MTA2: variants seen among roughly 807,000 people sequenced by gnomAD.
MTA2 encodes the protein metastasis associated 1 family member 2.
In MTA2, 22 loss-of-function variants were observed where a neutral mutation model predicts 87.1. The ratio of observed to expected loss-of-function variants is 0.25; its 90% CI spans 0.18 to 0.36. MTA2 has a LOEUF of 0.36. Ranked by LOEUF, MTA2 falls within the 10% of genes least tolerant of loss-of-function variation. The pLI is 1.00. For synonymous variants in MTA2, 314 were observed against 310.1 expected, an observed-to-expected ratio of 1.01 and a Z score of -0.13; for missense variants, 542 against 853.2, an observed-to-expected ratio of 0.64 and a Z score of 4.54.
intron 8 of MTA2, 130 bp from the exon 9 acceptor site, chr11:62,596,955 G>A (rs776675958): frequency 2.6e-5 from 22 of 853,166 alleles, no homozygotes; most frequent in Middle Eastern, 3.5e-4. Context: ...TTTGGGAAGC[G>A]GAGGCGGGCA....
intron 15 of MTA2, 71 bp downstream of exon 15, chr11:62,594,910 C>A: frequency 7.3e-7 from 1 of 1,376,374 alleles, no homozygotes; most frequent in South Asian, 1.2e-5. Context: ...AGAAAAAAAG[C>A]AAGGGGAGAG....
intron 11 of MTA2, 55 bp from the exon 12 acceptor site, chr11:62,596,162 A>T: frequency 6.2e-7 from 1 of 1,602,012 alleles, no homozygotes; most frequent in Non-Finnish European, 8.5e-7. Context: ...CAAGGAAAAG[A>T]ATCAATTTCC....
At chr11:62,597,755 G>A (rs1751474946) in intron 6 of MTA2, 43 bp from the exon 7 acceptor site, 2 of 1,521,244 alleles carry the variant, frequency 1.3e-6, no homozygotes, top group Non-Finnish European at 9.1e-7. Flanking sequence ...AGGGCAGGGG[G>A]GAACAGTTGG....
chr11:62,596,253 T>TGGTG (rs757416505), intron 11 of MTA2, 26 bp downstream of exon 11: 13 of 1,612,778 alleles, frequency 8.1e-6, no homozygotes, highest in Non-Finnish European at 1.1e-5. Flanking sequence ...GAAAACACTC[T>TGGTG]GGTCTCCCCT....
At position 62,601,701 on chromosome 11, in the gene MTA2, G is replaced by A. The variant is rs2427644; in HGVS notation, c.-251C>T. 3.7e-3 allele frequency: 1,958 copies of A among 530,638 alleles called. 93 individuals carry two copies. The East Asian group carries it at 0.067, about 18-fold the overall frequency. 32.9% of individuals were successfully genotyped at this position (530,638 alleles called of 1,614,324 possible). A position where few individuals can be genotyped will look rare whatever the true frequency, so the allele number is the denominator to read the frequency against. On this transcript the variant is annotated 5_prime_UTR_variant, in exon 1 of 18. Coordinates refer to ENST00000278823, the MANE Select transcript of MTA2 (RefSeq NM_004739.4). ...CCGTCCGCTCGGCTTCTTCCGGAAC[G>A]AGCTCGGCTCCTGCCAGGCCAGAGC...
rs763473852 is a variant in MTA2, at chr11:62,596,654, C to G, written c.865G>C (p.Asp289His). Residue 289 changes from aspartate to histidine, a missense_variant, in exon 9 of 18, where the codon GAT becomes CAT. Asp to His is a moderately conservative substitution (Grantham distance 81, BLOSUM62 -1). Coordinates refer to ENST00000278823, the MANE Select transcript of MTA2 (RefSeq NM_004739.4). Reference protein sequence around the residue: ...ALEKYGKDFNDIRQDFLPWKS... With the variant: ...ALEKYGKDFNHIRQDFLPWKS... ...CCACTTACAAAATCCTGGCGAATATCATTGAAGTCCTTCCCATACTTCTCT... is the reference window on the plus strand; with the variant it reads ...CCACTTACAAAATCCTGGCGAATATGATTGAAGTCCTTCCCATACTTCTCT... 1 of 1,612,774 alleles carries G rather than the reference C, an allele frequency of 6.2e-7. No homozygotes were observed.
At chr11:62,594,178 G>T in intron 17 of MTA2, 81 bp downstream of exon 17, 5 of 1,579,964 alleles carry the variant, frequency 3.2e-6, no homozygotes, top group Non-Finnish European at 4.3e-6. Context: ...CTTTCCTGGA[G>T]CTCTTGCTCT....
Position 62,601,778 on chromosome 11 carries a change from G to C in MTA2, c.-328C>G, listed in dbSNP as rs878904404. 1.4e-5 allele frequency: 7 copies of C among 506,646 alleles called. No individual in the cohort carries two copies. The South Asian group carries it at 1.5e-4, about 11-fold the overall frequency. The allele number at this position is 506,646 out of a possible 1,614,324, so 31.4% of individuals were successfully genotyped here. On this transcript the variant is annotated 5_prime_UTR_variant, in exon 1 of 18. Transcript: ENST00000278823. ...GGAGTCCCACTAGTCGTTGGGCTCT[G>C]CCGGCCGCAGGGAAGGCTTGCCGGG...
chr11:62,597,460 G>T, intron 7 of MTA2, 45 bp from the exon 8 acceptor site: 1 of 1,570,540 alleles, frequency 6.4e-7, no homozygotes, highest in Non-Finnish European at 8.7e-7. Context: ...AAAGTCAAAA[G>T]CCCAAGTGGG....
intron 5 of MTA2, 85 bp from the exon 6 acceptor site, chr11:62,598,226 G>T: frequency 6.4e-7 from 1 of 1,556,412 alleles, no homozygotes; most frequent in Non-Finnish European, 8.9e-7. Flanking sequence ...TCCATGACCG[G>T]CAGTCTGGCA....
rs375592902 is a variant in MTA2 at position 62,593,860 on chromosome 11, C to T, written c.*15G>A. On this transcript the variant is annotated 3_prime_UTR_variant, in exon 18 of 18. Transcript: ENST00000278823. ...ACCCTCTACCTCTCAGCCCACCTCC[C>T]TTCCCCACAGGTGCTCAGTCCTCCA... 2.0e-5 allele frequency: 33 copies of T among 1,614,040 alleles called. 1 individual carries two copies. The African/African-American group carries it at 4.0e-4, about 20-fold the overall frequency.
chr11:62,594,917 A>C, intron 15 of MTA2, 64 bp downstream of exon 15: 3 of 1,400,308 alleles, frequency 2.1e-6, no homozygotes, highest in Non-Finnish European at 3.0e-6. Flanking sequence ...AAGCAAGGGG[A>C]GAGATGTCAG....
Position 62,600,200 on chromosome 11 carries a change from A to T in MTA2, c.156T>A (p.Ser52=), listed in dbSNP as rs375790730. Residue 52 remains serine, a synonymous_variant, in exon 3 of 18, where the codon TCT becomes TCA. Transcript: ENST00000278823. ...VVCLFRRRDI[S]SSLNSLADSN... is the part of the protein sequence containing the mutation. The stretch of plus-strand genomic sequence containing the variant: ...TATCAGCCAGGCTGTTGAGGCTACT[A>T]GAAATGTCCCTGCGCCGGAAAAGAC... The T allele has an allele frequency of 1.9e-6, 3 of 1,614,112 alleles. No individual in the cohort carries two copies. Among genetic ancestry groups the T allele is most frequent in the Non-Finnish European group, 2.5e-6 (3 of 1,180,046 alleles).
In MTA2 at chr11:62,600,347, A is replaced by T. The variant is rs765703721; in HGVS notation, c.97-88T>A. On this transcript the variant is annotated intron_variant, in intron 2 of 17. Coordinates refer to ENST00000278823, the MANE Select transcript of MTA2 (RefSeq NM_004739.4). ...AGAAATGCACAAAGAGACAAATAAC[A>T]GTAAGTTTCAGAGGGACCTAAATTA... 3.3e-6 allele frequency: 4 copies of T among 1,198,778 alleles called. No individual in the cohort carries two copies. The Admixed American group carries it at 7.6e-5, about 23-fold the overall frequency. The allele number at this position is 1,198,778 out of a possible 1,614,324, so 74.3% of individuals were successfully genotyped here.
chr11:62,600,603 G>A lies in MTA2; in HGVS notation c.96+19C>T, dbSNP rs370794242. On this transcript the variant is annotated intron_variant, in intron 2 of 17. Coordinates refer to ENST00000278823, the MANE Select transcript of MTA2 (RefSeq NM_004739.4). ...GAGACCACTGCGGGAGGGAGGGAGAGGGATTCTGCTCCACTCACCTTGTTG... is the reference window on the plus strand; with the variant it reads ...GAGACCACTGCGGGAGGGAGGGAGAAGGATTCTGCTCCACTCACCTTGTTG... 1.2e-6 allele frequency: 2 copies of A among 1,609,804 alleles called. No homozygotes were observed. Among genetic ancestry groups the A allele is most frequent in the Admixed American group, 3.3e-5 (2 of 59,800 alleles).
chr11:62,600,919 G>A (rs952997370), intron 1 of MTA2: 7 of 537,572 alleles, frequency 1.3e-5, no homozygotes, highest in African/African-American at 7.6e-5. Context: ...GAGCCTTAAG[G>A]AACAGGCAAG....
At position 62,593,912 on chromosome 11, in the gene MTA2, G is replaced by A. The variant is rs1942058997; in HGVS notation, c.1970C>T (p.Pro657Leu). The A allele has an allele frequency of 6.2e-7, 1 of 1,614,230 alleles. No individual in the cohort carries two copies. Among genetic ancestry groups the A allele is most frequent in the Non-Finnish European group, 8.5e-7 (1 of 1,180,048 alleles). Residue 657 changes from proline (P) to leucine (L), a missense_variant, in exon 18 of 18, where the codon CCT (proline) becomes CTT (leucine). Pro to Leu is a moderately conservative substitution (Grantham distance 98). Around this residue, in one of 6 missense-constraint regions of MTA2, gnomAD observed 269 missense variants for 346.4 expected, o/e 0.78. Coordinates refer to ENST00000278823, the MANE Select transcript of MTA2 (RefSeq NM_004739.4). ...PPVPLPAPSH[P>L]ASTNEPIVLE... is the part of the protein sequence containing the mutation. ...GACAATAGGCTCATTGGTGCTGGCAGGATGTGAGGGTGCAGGTAGAGGGAC... is the reference window on the plus strand; with the variant it reads ...GACAATAGGCTCATTGGTGCTGGCAAGATGTGAGGGTGCAGGTAGAGGGAC...
At chr11:62,601,005 C>G in intron 1 of MTA2, 1 of 495,462 alleles carries the variant, frequency 2.0e-6, no homozygotes, top group Non-Finnish European at 3.6e-6. Flanking sequence ...ATTGTCCGCT[C>G]TAGCGCAGGG....
Position 62,595,614 on chromosome 11 carries a change from T to C in MTA2, c.1255-122A>G, listed in dbSNP as rs1259507867. The C allele has an allele frequency of 1.9e-5, 29 of 1,511,522 alleles. No individual in the cohort carries two copies. Among genetic ancestry groups the C allele is most frequent in the Non-Finnish European group, 2.5e-5 (28 of 1,107,766 alleles). 93.6% of individuals were successfully genotyped at this position (1,511,522 alleles called of 1,614,324 possible). ...ATCTCTTTACTGACCTCTTGGCCTA[T>C]GTGTCTCCCCAACCAGCATCAAGCA... On this transcript the variant is annotated intron_variant, in intron 13 of 17. Coordinates refer to ENST00000278823, the MANE Select transcript of MTA2 (RefSeq NM_004739.4). The surrounding 1 kb of genome is among the most constrained non-coding windows in gnomAD (Gnocchi z 4.9).
Sources: allele counts gnomAD v4.1 joint callset, GRCh38; gene constraint gnomAD v4.1.1; regional missense constraint gnomAD v4.1.1; non-coding constraint Gnocchi (gnomAD v3.1); transcripts MANE v1.5; gene names NCBI Gene and HGNC (gene_info 2026-07-23, HGNC 2026-07-21).